SLC9A9: variants seen among roughly 807,000 people sequenced by gnomAD.
SLC9A9 encodes the protein sodium/hydrogen exchanger 9.
In SLC9A9, 62 loss-of-function variants were observed where a neutral mutation model predicts 77.8. The ratio of observed to expected loss-of-function variants is 0.80; its 90% CI spans 0.65 to 0.98. The LOEUF (loss-of-function observed/expected upper bound fraction) is 0.98. Ranked by LOEUF, SLC9A9 falls within the 50% of genes least tolerant of loss-of-function variation. The pLI is 0.00. For synonymous variants in SLC9A9, 320 were observed against 283.5 expected (o/e 1.13, Z -1.29); for missense variants, 775 against 774.9 (o/e 1.00, Z 0.00).
Position 143,268,920 on chromosome 3 carries a change from C to T in SLC9A9, c.1665G>A (p.Trp555Ter). Residue 555 changes from tryptophan (W) to a stop codon, truncating the protein, a stop_gained, in exon 15 of 16, where the codon TGG becomes TGA. Transcript: ENST00000316549. LOFTEE classifies it high-confidence loss of function. Reference sequence around the variant, plus strand: ...TAAGCAGCCTGGAAATCGGACCACACCATTCAGGTAATGTTGTAGTCAGCG... The same window carrying T: ...TAAGCAGCCTGGAAATCGGACCACATCATTCAGGTAATGTTGTAGTCAGCG... ...GPPLTTTLPE[W>*]CGPISRLLTS... is the part of the protein sequence containing the mutation. 1 of 1,613,654 alleles carries T rather than the reference C, an allele frequency of 6.2e-7. No individual in the cohort carries two copies. Among genetic ancestry groups the T allele is most frequent in the Non-Finnish European group, 8.5e-7 (1 of 1,179,822 alleles).
At chr3:143,476,509 C>T (rs1453328150) in intron 11 of SLC9A9, among the ~76,000 whole-genome samples, 1 of 152,216 alleles carries the variant, frequency 6.6e-6, no homozygotes, top group Non-Finnish European at 1.5e-5. Context: ...ATGCCTCTGG[C>T]TTTGGAAGTT....
At chr3:143,331,767 T>C (rs1053703072) in intron 14 of SLC9A9, among the ~76,000 whole-genome samples, 5 of 152,222 alleles carry the variant, frequency 3.3e-5, no homozygotes, top group Non-Finnish European at 7.3e-5. Context: ...GCATCAATGA[T>C]GTGCATTGTA....
At chr3:143,614,030 A>G (rs1229365654) in intron 6 of SLC9A9, among the ~76,000 whole-genome samples, 1 of 152,144 alleles carries the variant, frequency 6.6e-6, no homozygotes, top group African/African-American at 2.4e-5. Flanking sequence ...CAAATGTTAT[A>G]ATTTCTTTCC....
intron 9 of SLC9A9, among the ~76,000 whole-genome samples, chr3:143,550,365 C>T (rs1178992421): frequency 6.6e-6 from 1 of 152,194 alleles, no homozygotes; most frequent in Non-Finnish European, 1.5e-5. Flanking sequence ...CAGTCCAATT[C>T]TCCATCATTG....
intron 13 of SLC9A9, among the ~76,000 whole-genome samples, chr3:143,373,283 A>G (rs930824454): frequency 2.0e-5 from 3 of 152,184 alleles, no homozygotes; most frequent in African/African-American, 7.2e-5. Flanking sequence ...AGAATGAATG[A>G]AATAATGTCT....
intron 6 of SLC9A9, among the ~76,000 whole-genome samples, chr3:143,580,159 G>A (rs1009916758): frequency 6.6e-6 from 1 of 152,160 alleles, no homozygotes; most frequent in Non-Finnish European, 1.5e-5. Context: ...CTGGGAAAAG[G>A]TATAAAACTC....
chr3:143,537,517 C>T (rs1336988155), intron 9 of SLC9A9, among the ~76,000 whole-genome samples: 5 of 152,232 alleles, frequency 3.3e-5, no homozygotes, highest in Non-Finnish European at 5.9e-5. Context: ...AGAGTATCTG[C>T]TATGTTTTCT....
At chr3:143,283,630 G>C (rs1053824341) in intron 14 of SLC9A9, among the ~76,000 whole-genome samples, 2 of 152,222 alleles carry the variant, frequency 1.3e-5, no homozygotes, top group African/African-American at 4.8e-5. Flanking sequence ...TCACTCTTGA[G>C]TTGCAAGATT....
intron 12 of SLC9A9, among the ~76,000 whole-genome samples, chr3:143,386,977 A>T (rs112946049): frequency 0.023 from 3,475 of 152,190 alleles, 151 homozygotes; most frequent in African/African-American, 0.079. Context: ...AGTAGCTGGG[A>T]TTATAGGCGT....
chr3:143,422,068 T>TA (rs2034307157), intron 12 of SLC9A9, among the ~76,000 whole-genome samples: 2 of 152,226 alleles, frequency 1.3e-5, no homozygotes, highest in African/African-American at 2.4e-5. Context: ...TGGCTATGAT[T>TA]AAAAAGACAA....
In SLC9A9 at chr3:143,433,080, T is replaced by C. The variant is rs1259569286; in HGVS notation, c.1469+33957A>G. ...GTGAAAGGGAGGTTAGCCTTAACAA[T>C]GAAAGGTTATTTAGATATATCTTTT... On this transcript the variant is annotated intron_variant, in intron 12 of 15. Transcript: ENST00000316549. Among the ~76,000 whole-genome samples, 4 of 152,262 alleles carry C rather than the reference T, an allele frequency of 2.6e-5. No homozygotes were observed. The East Asian group carries it at 5.8e-4, about 22-fold the overall frequency.
In SLC9A9 at chr3:143,552,355, C is replaced by A. The variant is rs764390509; in HGVS notation, c.1089+7G>T. 1 of 1,606,578 alleles carries A rather than the reference C, an allele frequency of 6.2e-7. No homozygotes were observed. The highest frequency in any genetic ancestry group is 8.5e-7 in the Non-Finnish European group (1 of 1,175,866). On this transcript the variant is annotated splice_region_variant and intron_variant, in intron 9 of 15. Coordinates refer to ENST00000316549, the MANE Select transcript of SLC9A9 (RefSeq NM_173653.4). Reference sequence around the variant, plus strand: ...AGACCAAGTCTGTAGTAAATTTTTTCTTTTACCTGTTTAGTTCTTATTTTG... The same window carrying A: ...AGACCAAGTCTGTAGTAAATTTTTTATTTTACCTGTTTAGTTCTTATTTTG...
At chr3:143,577,800 C>T (rs1378764855) in intron 7 of SLC9A9, among the ~76,000 whole-genome samples, 1 of 152,204 alleles carries the variant, frequency 6.6e-6, no homozygotes, top group Non-Finnish European at 1.5e-5. Context: ...CTTCTCCTTC[C>T]CCTGAGGTCT....
intron 6 of SLC9A9, among the ~76,000 whole-genome samples, chr3:143,580,431 A>G (rs1329841247): frequency 2.0e-5 from 3 of 152,100 alleles, no homozygotes; most frequent in African/African-American, 7.2e-5. Context: ...TAACTTCCAG[A>G]AGTGTTTCCC....
chr3:143,437,093 G>T (rs2034634093), intron 12 of SLC9A9, among the ~76,000 whole-genome samples: 1 of 152,140 alleles, frequency 6.6e-6, no homozygotes, highest in Non-Finnish European at 1.5e-5. Context: ...ACCAGACTTG[G>T]CCCTTCATGT....
chr3:143,752,122 A>G (rs1171144469), intron 4 of SLC9A9, among the ~76,000 whole-genome samples: 1 of 152,198 alleles, frequency 6.6e-6, no homozygotes, highest in East Asian at 1.9e-4. Flanking sequence ...AAAATAAACC[A>G]CAGAGTTCTC....
intron 5 of SLC9A9, 111 bp from the exon 6 acceptor site, chr3:143,652,471 A>C: frequency 1.2e-6 from 1 of 811,978 alleles, no homozygotes; most frequent in South Asian, 1.5e-5. Context: ...TCTCAAATCC[A>C]ATGACTATAC....
chr3:143,370,567 G>GCACACACACACACACACACA (rs57705324), intron 13 of SLC9A9, among the ~76,000 whole-genome samples: 59 of 143,298 alleles, frequency 4.1e-4, no homozygotes, highest in African/African-American at 8.3e-4. Flanking sequence ...GCATGTGCGC[G>GCACACACACACACACACACA]CACACACACA....
At chr3:143,589,046 C>T (rs1049332765) in intron 6 of SLC9A9, among the ~76,000 whole-genome samples, 11 of 152,130 alleles carry the variant, frequency 7.2e-5, no homozygotes, top group African/African-American at 2.4e-4. Context: ...AAAATATAAT[C>T]ATAAACAGGT....
Sources: gnomAD v4.1 joint callset for allele counts (sites outside exome capture counted in the v4.1 genomes callset) on GRCh38, gnomAD v4.1.1 for gene constraint, MANE v1.5 for transcripts, NCBI Gene and HGNC (gene_info 2026-07-23, HGNC 2026-07-21) for gene names.